The following FHIT variants were observed in gnomAD, a reference collection of about 807,000 sequenced individuals.
The protein encoded by FHIT is fragile histidine triad diadenosine triphosphatase, also known as bis(5'-adenosyl)-triphosphatase.
Under a neutral mutation model 17.9 loss-of-function variants are expected in FHIT, and 19 were observed. The ratio of observed to expected loss-of-function variants is 1.06; its 90% CI spans 0.74 to 1.56. The LOEUF (loss-of-function observed/expected upper bound fraction) is 1.56. Ranked by LOEUF, FHIT falls within the 40% of genes most tolerant of loss-of-function variation. The pLI is 0.00. For missense variants in FHIT, 248 were observed against 189.2 expected, an observed-to-expected ratio of 1.31 and a Z score of -1.82; for synonymous variants, 81 against 69.7, an observed-to-expected ratio of 1.16 and a Z score of -0.81.
At chr3:60,421,731 T>A (rs1702475453) in intron 5 of FHIT, among the ~76,000 whole-genome samples, 1 of 152,130 alleles carries the variant, frequency 6.6e-6, no homozygotes, top group Non-Finnish European at 1.5e-5. Context: ...TAATATCAAT[T>A]TGCTTTTCTT....
At chr3:60,278,959 A>G (rs1468534192) in intron 5 of FHIT, among the ~76,000 whole-genome samples, 1 of 152,156 alleles carries the variant, frequency 6.6e-6, no homozygotes, top group African/African-American at 2.4e-5. Context: ...TCAATAATCT[A>G]AACTTCTGTT....
chr3:60,940,934 A>C (rs1553774359), intron 3 of FHIT, among the ~76,000 whole-genome samples: 1 of 152,216 alleles, frequency 6.6e-6, no homozygotes, highest in Non-Finnish European at 1.5e-5. Context: ...GCACTGTCCA[A>C]CAGAAATATC....
intron 5 of FHIT, among the ~76,000 whole-genome samples, chr3:60,142,515 T>C (rs77980580): frequency 0.031 from 4,730 of 152,188 alleles, 124 homozygotes; most frequent in Middle Eastern, 0.079. Flanking sequence ...GTTATTGTTT[T>C]ACAAAGGGTT....
At chr3:60,972,108 C>A (rs987293864) in intron 3 of FHIT, among the ~76,000 whole-genome samples, 3 of 152,136 alleles carry the variant, frequency 2.0e-5, no homozygotes, top group Non-Finnish European at 4.4e-5. Flanking sequence ...GACTTACACT[C>A]CACTAAACAT....
intron 8 of FHIT, among the ~76,000 whole-genome samples, chr3:59,792,648 A>C (rs1198596479): frequency 6.6e-6 from 1 of 152,232 alleles, no homozygotes; most frequent in East Asian, 1.9e-4. Flanking sequence ...AATGCTTAAC[A>C]AGAATCTAGT....
At chr3:60,061,721 C>G (rs1702302499) in intron 5 of FHIT, among the ~76,000 whole-genome samples, 1 of 152,048 alleles carries the variant, frequency 6.6e-6, no homozygotes, top group South Asian at 2.1e-4. Flanking sequence ...TAATTTTAAA[C>G]AAACATTTCA....
At chr3:60,115,671 T>TA (rs1704924363) in intron 5 of FHIT, among the ~76,000 whole-genome samples, 1 of 152,206 alleles carries the variant, frequency 6.6e-6, no homozygotes, top group African/African-American at 2.4e-5. Context: ...AACAAAACTG[T>TA]AAAAAACTAA....
Position 60,129,049 on chromosome 3 carries a change from G to GTTTTT in FHIT, c.104-114898_104-114897insAAAAA, listed in dbSNP as rs1553692328. 2.8e-3 allele frequency among the ~76,000 whole-genome samples: 337 copies of GTTTTT among 121,024 alleles called. 7 individuals are homozygous for GTTTTT. The highest frequency in any genetic ancestry group is 6.2e-3 in the African/African-American group (173 of 27,782). 79.4% of individuals were successfully genotyped at this position (121,024 alleles called of 152,430 possible). A position where few individuals can be genotyped will look rare whatever the true frequency, so the allele number is the denominator to read the frequency against. ...TTTCCCTTTTCTTCTTTCCTTTTTT[G>GTTTTT]TTTGTTTTTTTTTTTTTTTTTGAAA... On this transcript the variant is annotated intron_variant, in intron 5 of 9. Coordinates refer to ENST00000492590, the MANE Select transcript of FHIT (RefSeq NM_002012.4).
At chr3:60,283,875 C>T (rs1158348400) in intron 5 of FHIT, among the ~76,000 whole-genome samples, 6 of 152,008 alleles carry the variant, frequency 3.9e-5, no homozygotes, top group Non-Finnish European at 7.4e-5. Flanking sequence ...AAAGAAGTTT[C>T]TAGGGCACTG....
chr3:61,148,165 C>T (rs1458821703), intron 2 of FHIT, among the ~76,000 whole-genome samples: 1 of 151,784 alleles, frequency 6.6e-6, no homozygotes, highest in East Asian at 1.9e-4. Context: ...AACAAACACA[C>T]ATCATCTTTT....
At chr3:59,789,783 C>T (rs533383219) in intron 8 of FHIT, among the ~76,000 whole-genome samples, 15 of 152,174 alleles carry the variant, frequency 9.9e-5, no homozygotes, top group Non-Finnish European at 1.9e-4. Flanking sequence ...GACATTCTAG[C>T]ATCCTTTGAA....
intron 3 of FHIT, among the ~76,000 whole-genome samples, chr3:61,013,628 G>A (rs1057485063): frequency 2.6e-5 from 4 of 152,018 alleles, no homozygotes; most frequent in Admixed American, 2.6e-4. Context: ...AGAAAAGAAG[G>A]GAGAGAGAAA....
chr3:61,083,005 A>G (rs1445319762), intron 2 of FHIT, among the ~76,000 whole-genome samples: 1 of 152,032 alleles, frequency 6.6e-6, no homozygotes, highest in South Asian at 2.1e-4. Context: ...TATTTATATG[A>G]TCTGAATACT....
At chr3:60,162,919 G>T (rs1166362827) in intron 5 of FHIT, among the ~76,000 whole-genome samples, 2 of 152,052 alleles carry the variant, frequency 1.3e-5, no homozygotes, top group Non-Finnish European at 2.9e-5. Context: ...TATGAGAATT[G>T]GTCTCAGGCT....
intron 5 of FHIT, among the ~76,000 whole-genome samples, chr3:60,165,731 G>A (rs1701143516): frequency 6.6e-6 from 1 of 152,048 alleles, no homozygotes; most frequent in African/African-American, 2.4e-5. Flanking sequence ...CTCTCTCAAG[G>A]AGTAAATATA....
intron 8 of FHIT, among the ~76,000 whole-genome samples, chr3:59,785,479 T>C (rs2106901348): frequency 6.6e-6 from 1 of 152,080 alleles, no homozygotes; most frequent in African/African-American, 2.4e-5. Flanking sequence ...CCAGCTAATT[T>C]TTGTATTTTT....
chr3:61,246,773 T>C (rs1207380457), intron 1 of FHIT, among the ~76,000 whole-genome samples: 1 of 151,974 alleles, frequency 6.6e-6, no homozygotes, highest in African/African-American at 2.4e-5. Context: ...AGATGACAGA[T>C]TGACAGGTGC....
At chr3:59,941,347 G>A (rs1438143695) in intron 7 of FHIT, among the ~76,000 whole-genome samples, 1 of 152,166 alleles carries the variant, frequency 6.6e-6, no homozygotes, top group African/African-American at 2.4e-5. Flanking sequence ...AAGTAGCAAG[G>A]ATACAGTTGG....
intron 3 of FHIT, among the ~76,000 whole-genome samples, chr3:60,858,748 G>C (rs1224029992): frequency 6.6e-6 from 1 of 152,146 alleles, no homozygotes; most frequent in Non-Finnish European, 1.5e-5. Flanking sequence ...CTTCAAGAAG[G>C]TCCCAGTTTC....
Sources: gnomAD v4.1 joint callset for allele counts (sites outside exome capture counted in the v4.1 genomes callset) on GRCh38, gnomAD v4.1.1 for gene constraint, MANE v1.5 for transcripts, NCBI Gene and HGNC (gene_info 2026-07-23, HGNC 2026-07-21) for gene names.